The following EFEMP1 variants were observed in gnomAD, a reference collection of about 807,000 sequenced individuals.
EFEMP1 encodes EGF-containing fibulin-like extracellular matrix protein 1.
EFEMP1 carries 18 observed loss-of-function variants against 65.7 expected under a neutral mutation model. The observed-to-expected ratio is 0.27, with a 90% CI of 0.19 to 0.41. EFEMP1 has a LOEUF of 0.41. EFEMP1 is among the 10% of genes least tolerant of loss of function. The probability of loss-of-function intolerance (pLI) is 1.00; values close to 1 mark genes in which losing one functional copy is unlikely to be tolerated. For missense variants in EFEMP1, 469 were observed against 624.8 expected (o/e 0.75, Z 2.66); for synonymous variants, 237 against 219.7 (o/e 1.08, Z -0.70).
intron 8 of EFEMP1, among the ~76,000 whole-genome samples, chr2:55,875,737 G>A (rs557657320): frequency 1.4e-4 from 21 of 152,218 alleles, no homozygotes; most frequent in Admixed American, 2.6e-4. Flanking sequence ...TTTGAGCTTT[G>A]AATGCCAAGT....
At chr2:55,891,670 T>A (rs1385031872) in intron 5 of EFEMP1, among the ~76,000 whole-genome samples, 3 of 152,078 alleles carry the variant, frequency 2.0e-5, no homozygotes, top group African/African-American at 4.8e-5. Context: ...TCATTGTAAG[T>A]GGTTATTTAT....
rs1039948482 is a variant in EFEMP1 at position 55,923,198 on chromosome 2, T to C, written c.-48-259A>G. Among the ~76,000 whole-genome samples, 1 of 152,186 alleles carries C rather than the reference T, an allele frequency of 6.6e-6. No individual in the cohort carries two copies. Among genetic ancestry groups the C allele is most frequent in the African/African-American group, 2.4e-5 (1 of 41,458 alleles). ...CTGATTCTCTTTTGTCTTATCAGTC[T>C]GGGTCCCCGACACGCTACCTTCGGT... On this transcript the variant is annotated intron_variant, in intron 1 of 11. Transcript: ENST00000355426. The surrounding 1 kb of genome is among the most constrained non-coding windows in gnomAD (Gnocchi z 5.3).
chr2:55,884,509 G>A (rs1669354617), intron 5 of EFEMP1, among the ~76,000 whole-genome samples: 1 of 152,194 alleles, frequency 6.6e-6, no homozygotes, highest in African/African-American at 2.4e-5. Flanking sequence ...CAGGAGTGTT[G>A]ATGACAGTCC....
At chr2:55,901,420 A>T (rs1572829473) in intron 5 of EFEMP1, among the ~76,000 whole-genome samples, 1 of 152,278 alleles carries the variant, frequency 6.6e-6, no homozygotes, top group Non-Finnish European at 1.5e-5. Context: ...GTTTTTGAGG[A>T]GGATTGATAG....
chr2:55,874,616 T>G (rs1450374754), intron 9 of EFEMP1, among the ~76,000 whole-genome samples: 2 of 152,098 alleles, frequency 1.3e-5, no homozygotes, highest in Admixed American at 6.6e-5. Context: ...TGCTCTAAAC[T>G]CAAACTCACA....
rs149767305 is a variant in EFEMP1 at position 55,901,003 on chromosome 2, A to G, written c.517+16662T>C. ...ACAACCTATTTATTGTAATCTTAGG[A>G]TATGTTCAGTGCATGTCTTCTAGTA... On this transcript the variant is annotated intron_variant, in intron 5 of 11. Transcript: ENST00000355426. 2.2e-3 allele frequency among the ~76,000 whole-genome samples: 335 copies of G among 152,312 alleles called. 1 individual carries two copies. Among genetic ancestry groups the G allele is most frequent in the African/African-American group, 7.7e-3 (322 of 41,576 alleles).
At chr2:55,882,643 T>C (rs1669285589) in intron 5 of EFEMP1, among the ~76,000 whole-genome samples, 1 of 152,196 alleles carries the variant, frequency 6.6e-6, no homozygotes, top group South Asian at 2.1e-4. Context: ...TCGGCTCTCC[T>C]ATATCATGAA....
Position 55,893,570 on chromosome 2 carries a change from G to A in EFEMP1, c.518-11836C>T, listed in dbSNP as rs116520473. 3.9e-3 allele frequency among the ~76,000 whole-genome samples: 588 copies of A among 152,238 alleles called. 5 individuals carry two copies. Among genetic ancestry groups the A allele is most frequent in the African/African-American group, 0.01 (436 of 41,538 alleles). Reference sequence around the variant, plus strand: ...ATCTCACTGCCACATCTATGAAGTCGGGGAATGTTCAGTTCAAAATGATAC... The same window carrying A: ...ATCTCACTGCCACATCTATGAAGTCAGGGAATGTTCAGTTCAAAATGATAC... On this transcript the variant is annotated intron_variant, in intron 5 of 11. Coordinates refer to ENST00000355426, the MANE Select transcript of EFEMP1 (RefSeq NM_001039348.3).
intron 5 of EFEMP1, among the ~76,000 whole-genome samples, chr2:55,893,111 T>A (rs1430538579): frequency 6.6e-6 from 1 of 152,102 alleles, no homozygotes; most frequent in Non-Finnish European, 1.5e-5. Flanking sequence ...CAGATAGGTG[T>A]AAGGGGGTAC....
chr2:55,878,344 G>A (rs1669112382), intron 6 of EFEMP1, among the ~76,000 whole-genome samples: 1 of 152,144 alleles, frequency 6.6e-6, no homozygotes, highest in Admixed American at 6.5e-5. Context: ...CTTGCCATGT[G>A]TATCTTAGGA....
At position 55,917,322 on chromosome 2, in the gene EFEMP1, A is replaced by G. The variant is rs571216110; in HGVS notation, c.517+343T>C. Among the ~76,000 whole-genome samples the G allele has an allele frequency of 6.6e-6, 1 of 152,282 alleles. No individual in the cohort carries two copies. The highest frequency in any genetic ancestry group is 6.5e-5 in the Admixed American group (1 of 15,290). On this transcript the variant is annotated intron_variant, in intron 5 of 11. Transcript: ENST00000355426. This position sits in a 1 kb window ranked among gnomAD's most constrained non-coding sequence, Gnocchi z 6.3. ...GGCCGCACATGAGGAACTGAAAAAA[A>G]AGCCGATGCCTGGAACCCACCTCAG... is the stretch of plus-strand genomic sequence containing the variant.
In EFEMP1 at chr2:55,881,694, T is replaced by C. The variant is rs756400498; in HGVS notation, c.558A>G (p.Ala186=). The C allele has an allele frequency of 1.9e-6, 3 of 1,614,018 alleles. No individual in the cohort carries two copies. In the South Asian group the frequency reaches 3.3e-5, roughly 18 times the overall value. ...CCCGTAAATTGATGCACACTTGGTC[T>C]GCTCTACAGTTGTGCGTCCCTGCAG... The part of the protein sequence containing the change: ...ECTAGTHNCR[A]DQVCINLRGS... Residue 186 remains alanine, a synonymous_variant, in exon 6 of 12, where the codon GCA becomes GCG. Transcript: ENST00000355426.
chr2:55,879,796 G>T (rs1027094029), intron 6 of EFEMP1, among the ~76,000 whole-genome samples: 2 of 152,170 alleles, frequency 1.3e-5, no homozygotes, highest in Admixed American at 1.3e-4. Flanking sequence ...GAGAGTACAT[G>T]TTTAGAAATA....
At chr2:55,874,034 T>C (rs116183911) in intron 9 of EFEMP1, among the ~76,000 whole-genome samples, 2,955 of 149,084 alleles carry the variant, frequency 0.02, 57 homozygotes, top group South Asian at 0.085. Flanking sequence ...TATTTTTATG[T>C]ATGTTATTCC....
In EFEMP1 at chr2:55,923,495, C is replaced by G. The variant is rs1224091215; in HGVS notation, c.-49+216G>C. 1.3e-5 allele frequency among the ~76,000 whole-genome samples: 2 copies of G among 152,186 alleles called. No individual in the cohort carries two copies. Among genetic ancestry groups the G allele is most frequent in the African/African-American group, 2.4e-5 (1 of 41,442 alleles). Reference sequence around the variant, plus strand: ...TGGTTGTCGGCGCGCACACACATGCCCATCCCAACAGATGTCACCCGAGTA... The same window carrying G: ...TGGTTGTCGGCGCGCACACACATGCGCATCCCAACAGATGTCACCCGAGTA... On this transcript the variant is annotated intron_variant, in intron 1 of 11. Coordinates refer to ENST00000355426, the MANE Select transcript of EFEMP1 (RefSeq NM_001039348.3). The surrounding 1 kb of genome is among the most constrained non-coding windows in gnomAD (Gnocchi z 5.3).
chr2:55,881,073 C>T (rs1040304903), intron 6 of EFEMP1, among the ~76,000 whole-genome samples: 1 of 152,208 alleles, frequency 6.6e-6, no homozygotes, highest in Non-Finnish European at 1.5e-5. Flanking sequence ...CTTTACTGCA[C>T]AGGGACAGGC....
intron 6 of EFEMP1, among the ~76,000 whole-genome samples, chr2:55,878,470 T>C (rs546116440): frequency 7.2e-5 from 11 of 152,242 alleles, no homozygotes; most frequent in African/African-American, 2.6e-4. Flanking sequence ...GTCCTTCTCA[T>C]ATAAATATTT....
chr2:55,871,036 T>C lies in EFEMP1; in HGVS notation c.1088A>G (p.Asn363Ser). Residue 363 changes from asparagine to serine, a missense_variant, in exon 10 of 12, where the codon AAT (asparagine) becomes AGT (serine). This residue lies in a region of EFEMP1 where 399 missense variants were observed against 528.2 expected (regional missense o/e 0.76). Coordinates refer to ENST00000355426, the MANE Select transcript of EFEMP1 (RefSeq NM_001039348.3). This position sits in a 1 kb window ranked among gnomAD's most constrained non-coding sequence, Gnocchi z 4.2. Reference protein sequence around the residue: ...YHGGFRCYPRNPCQDPYILTP... With the variant: ...YHGGFRCYPRSPCQDPYILTP... ...TAGAATGTAGGGATCTTGACAAGGA[T>C]TTCGTGGATAACAACGGAAGCCGCC... The C allele has an allele frequency of 1.2e-6, 2 of 1,613,764 alleles. No homozygotes were observed. The highest frequency in any genetic ancestry group is 1.7e-6 in the Non-Finnish European group (2 of 1,179,800).
chr2:55,895,642 C>T (rs1246664251), intron 5 of EFEMP1, among the ~76,000 whole-genome samples: 2 of 151,536 alleles, frequency 1.3e-5, no homozygotes, highest in African/African-American at 4.9e-5. Flanking sequence ...CCGGGGTTCA[C>T]GCCATTCTCC....
Sources: allele counts gnomAD v4.1 joint callset (sites outside exome capture counted in the v4.1 genomes callset), GRCh38; gene constraint gnomAD v4.1.1; regional missense constraint gnomAD v4.1.1; non-coding constraint Gnocchi (gnomAD v3.1); transcripts MANE v1.5; gene names NCBI Gene and HGNC (gene_info 2026-07-23, HGNC 2026-07-21).